SLC36A1: variants seen among roughly 807,000 people sequenced by gnomAD.
The protein encoded by SLC36A1 is proton-coupled amino acid transporter 1.
Under a neutral mutation model 47.5 loss-of-function variants are expected in SLC36A1, and 30 were observed. The ratio of observed to expected loss-of-function variants is 0.63; its 90% CI spans 0.47 to 0.86. SLC36A1 has a LOEUF of 0.86. Among genes scored for constraint, SLC36A1 ranks in the 40% least tolerant of loss-of-function variants. The pLI is 0.00. For synonymous variants in SLC36A1, 255 were observed against 249.7 expected, an observed-to-expected ratio of 1.02 and a Z score of -0.20; for missense variants, 517 against 606.0, an observed-to-expected ratio of 0.85 and a Z score of 1.54.
the SLC36A1 span, among the ~76,000 whole-genome samples, chr5:151,393,470 G>A: frequency 1.2e-4 from 18 of 152,232 alleles, no homozygotes; most frequent in South Asian, 4.1e-4. Context: ...TATTTTGCTC[G>A]TCAGTTGATG....
chr5:151,384,830 G>C, the SLC36A1 span, among the ~76,000 whole-genome samples: 2 of 152,088 alleles, frequency 1.3e-5, no homozygotes, highest in Non-Finnish European at 2.9e-5. Context: ...GCCATTCCAC[G>C]CTCACCATTT....
At chr5:151,540,435 TCTC>T in the SLC36A1 span, 1 of 577,596 alleles carries the variant, frequency 1.7e-6, no homozygotes, top group Non-Finnish European at 3.1e-6. Context: ...CAATCTCCCT[TCTC>T]CTGCCCCTCA....
At chr5:151,465,041 C>A in intron 4 of SLC36A1, 33 bp from the exon 5 acceptor site, 1 of 1,530,406 alleles carries the variant, frequency 6.5e-7, no homozygotes. Context: ...AATCCACGTG[C>A]TCTGTCCTTC....
chr5:151,512,398 A>G, the SLC36A1 span: 1 of 1,614,228 alleles, frequency 6.2e-7, no homozygotes, highest in Non-Finnish European at 8.5e-7. This position sits in a 1 kb window ranked among gnomAD's most constrained non-coding sequence, Gnocchi z 4.1. Flanking sequence ...GCCCAGCAAG[A>G]GGTGCCTTTC....
chr5:151,547,303 A>G, the SLC36A1 span, among the ~76,000 whole-genome samples: 2 of 152,332 alleles, frequency 1.3e-5, no homozygotes, highest in South Asian at 2.1e-4. Context: ...GAAGACTAAA[A>G]GACATTCTAG....
At chr5:151,455,697 A>G (rs1198027264) in intron 1 of SLC36A1, among the ~76,000 whole-genome samples, 1 of 152,232 alleles carries the variant, frequency 6.6e-6, no homozygotes, top group Non-Finnish European at 1.5e-5. Context: ...AGTTTACTTG[A>G]ACTGTTTACT....
chr5:151,388,481 A>G, the SLC36A1 span, among the ~76,000 whole-genome samples: 1 of 148,486 alleles, frequency 6.7e-6, no homozygotes, highest in Non-Finnish European at 1.5e-5. Context: ...AGCCTGGGCA[A>G]CAAGAGTAAA....
At chr5:151,545,560 G>A in the SLC36A1 span, 1 of 1,614,126 alleles carries the variant, frequency 6.2e-7, no homozygotes, top group Non-Finnish European at 8.5e-7. Flanking sequence ...GATGACTTGG[G>A]CAGGTCTGGG....
At chr5:151,502,998 A>G in the SLC36A1 span, among the ~76,000 whole-genome samples, 1 of 148,312 alleles carries the variant, frequency 6.7e-6, no homozygotes. Flanking sequence ...AAAGCTACGT[A>G]TCATATGATT....
At chr5:151,463,428 C>T in intron 2 of SLC36A1, 125 bp from the exon 3 acceptor site, 1 of 762,710 alleles carries the variant, frequency 1.3e-6, no homozygotes, top group Non-Finnish European at 2.2e-6. Flanking sequence ...ACTGCTTCAT[C>T]ATCTATAAGA....
Position 151,467,284 on chromosome 5 carries a change from G to T in SLC36A1, c.504+1G>T, listed in dbSNP as rs1239243545. On this transcript the variant is annotated splice_donor_variant, in intron 6 of 10. Transcript: ENST00000243389. LOFTEE classifies it high-confidence loss of function. ...GTTTCTGGCTGACAACTTTAAACAG[G>T]TAGGCACCTGGTTAAAAAAGAAAAA... 4.0e-6 allele frequency: 6 copies of T among 1,502,418 alleles called. No homozygotes were observed. The highest frequency in any genetic ancestry group is 1.5e-5 in the African/African-American group (1 of 68,476). 93.1% of individuals were successfully genotyped at this position (1,502,418 alleles called of 1,614,324 possible).
the SLC36A1 span, among the ~76,000 whole-genome samples, chr5:151,539,055 G>T: frequency 2.0e-5 from 3 of 152,044 alleles, no homozygotes; most frequent in Non-Finnish European, 4.4e-5. Context: ...GAGGGCCAGG[G>T]TGAGCCTGAT....
At chr5:151,462,784 T>A (rs1755729185) in intron 2 of SLC36A1, among the ~76,000 whole-genome samples, 2 of 151,948 alleles carry the variant, frequency 1.3e-5, no homozygotes, top group East Asian at 3.9e-4. Context: ...CTTCTGTTAT[T>A]ATTATTATTA....
chr5:151,527,308 T>C, the SLC36A1 span: 3 of 1,613,856 alleles, frequency 1.9e-6, no homozygotes, highest in Admixed American at 1.7e-5. Flanking sequence ...TGGATAGCGA[T>C]GTCTGTGTCC....
chr5:151,434,667 G>A (rs1355490155), upstream of SLC36A1, among the ~76,000 whole-genome samples: 1 of 152,166 alleles, frequency 6.6e-6, no homozygotes, highest in Non-Finnish European at 1.5e-5. Context: ...GTATTAAGAA[G>A]GGGGATCTCT....
At chr5:151,466,330 GA>G (rs1333287036) in intron 5 of SLC36A1, among the ~76,000 whole-genome samples, 1 of 152,204 alleles carries the variant, frequency 6.6e-6, no homozygotes, top group Non-Finnish European at 1.5e-5. Context: ...TAGCCTTTTG[GA>G]ATTTGCTGTA....
the SLC36A1 span, among the ~76,000 whole-genome samples, chr5:151,379,630 C>T: frequency 7.9e-5 from 12 of 152,202 alleles, no homozygotes; most frequent in Non-Finnish European, 1.6e-4. Flanking sequence ...CCGTGCCCGG[C>T]GCTCTTCACT....
In SLC36A1 at chr5:151,440,350, G is replaced by A. The variant is rs573684655; in HGVS notation, c.-6+3171G>A. 5.7e-4 allele frequency among the ~76,000 whole-genome samples: 87 copies of A among 152,148 alleles called. No homozygotes were observed. In the Middle Eastern group the frequency reaches 0.01, roughly 18 times the overall value. On this transcript the variant is annotated intron_variant, in intron 1 of 8. Transcript: ENST00000429484. ...ATTTTCTTTATTTTTTATTTTTTAA[G>A]ATACAAAACCTGAGAATTTTAGAGT...
At chr5:151,420,669 A>G in the SLC36A1 span, among the ~76,000 whole-genome samples, 1 of 152,106 alleles carries the variant, frequency 6.6e-6, no homozygotes, top group Non-Finnish European at 1.5e-5. Flanking sequence ...AAAAAGTCAA[A>G]CAGTACAGAA....
Sources: allele counts gnomAD v4.1 joint callset (sites outside exome capture counted in the v4.1 genomes callset), GRCh38; gene constraint gnomAD v4.1.1; non-coding constraint Gnocchi (gnomAD v3.1); transcripts MANE v1.5; gene names NCBI Gene and HGNC (gene_info 2026-07-23, HGNC 2026-07-21).